Variants in CYSLTR2 observed in about 807,000 individuals in gnomAD.
CYSLTR2 encodes the protein G-protein coupled receptor GPCR21.
For missense variants in CYSLTR2, 398 were observed against 411.9 expected (o/e 0.97, Z 0.29); for synonymous variants, 179 against 160.8 (o/e 1.11, Z -0.86).
chr13:48,685,253 C>G (rs1421094829), intron 1 of CYSLTR2, among the ~76,000 whole-genome samples: 1 of 151,828 alleles, frequency 6.6e-6, no homozygotes, highest in East Asian at 1.9e-4. Flanking sequence ...GTGCTATACA[C>G]TTTTAAACAC....
chr13:48,661,006 C>A (rs1378776595), intron 1 of CYSLTR2, among the ~76,000 whole-genome samples: 1 of 152,210 alleles, frequency 6.6e-6, no homozygotes. Flanking sequence ...AGGCCCTGAC[C>A]TAAGTGCCAT....
chr13:48,698,202 T>C (rs1266389598), intron 4 of CYSLTR2, among the ~76,000 whole-genome samples: 3 of 151,880 alleles, frequency 2.0e-5, no homozygotes, highest in Non-Finnish European at 4.4e-5. Flanking sequence ...GAAGAGCAAC[T>C]CCAAGACACA....
intron 1 of CYSLTR2, among the ~76,000 whole-genome samples, chr13:48,657,088 G>A (rs1412473108): frequency 6.6e-6 from 1 of 152,180 alleles, no homozygotes; most frequent in Non-Finnish European, 1.5e-5. Flanking sequence ...GAGAATAAAG[G>A]CATTGTGTAA....
At chr13:48,656,580 C>T (rs528353939) in intron 1 of CYSLTR2, among the ~76,000 whole-genome samples, 19 of 152,310 alleles carry the variant, frequency 1.2e-4, no homozygotes, top group Admixed American at 3.3e-4. Context: ...TCCTATCCAC[C>T]TGGGATCACA....
At chr13:48,690,021 T>C (rs1237457485) in intron 1 of CYSLTR2, among the ~76,000 whole-genome samples, 2 of 152,182 alleles carry the variant, frequency 1.3e-5, no homozygotes, top group African/African-American at 4.8e-5. Context: ...GTAGCAATTG[T>C]GACTGGGAGT....
intron 1 of CYSLTR2, among the ~76,000 whole-genome samples, chr13:48,658,593 A>C (rs1252182273): frequency 1.3e-5 from 2 of 152,168 alleles, no homozygotes; most frequent in East Asian, 1.9e-4. Context: ...GCTGGATGGG[A>C]AACCCAAGGG....
intron 1 of CYSLTR2, among the ~76,000 whole-genome samples, chr13:48,672,619 T>C (rs1343739763): frequency 4.4e-5 from 3 of 68,958 alleles, no homozygotes; most frequent in Non-Finnish European, 7.0e-5. Flanking sequence ...TTCTTTTCTT[T>C]TTTTTTTTTT....
At chr13:48,674,704 CT>C (rs1216758150) in intron 1 of CYSLTR2, among the ~76,000 whole-genome samples, 1 of 152,180 alleles carries the variant, frequency 6.6e-6, no homozygotes, top group Non-Finnish European at 1.5e-5. Context: ...AAGAGTCATT[CT>C]GGTTTTTGGA....
chr13:48,654,541 TATATAAG>T (rs1262209360), intron 1 of CYSLTR2, among the ~76,000 whole-genome samples: 1 of 152,178 alleles, frequency 6.6e-6, no homozygotes, highest in Non-Finnish European at 1.5e-5. Flanking sequence ...GTCCTTCTAT[TATATAAG>T]ATATATTTTT....
rs765587354 is a variant in CYSLTR2, at chr13:48,707,329, T to C, written c.512T>C (p.Ile171Thr). The C allele has an allele frequency of 6.2e-7, 1 of 1,613,998 alleles. No homozygotes were observed. The change falls in exon 5 of 5, where the codon ATA (isoleucine) becomes ACA (threonine). Residue 171 changes from isoleucine (I) to threonine (T), a missense_variant. Physicochemically the swap from Ile to Thr is moderately conservative, Grantham distance 89. Transcript: ENST00000682523. ...IIWILIMASS[I>T]MLLDSGSEQN... ...TGGATCCTTATCATGGCTTCCTCAA[T>C]AATGCTCCTGGACAGTGGCTCTGAG...
At chr13:48,680,582 G>C (rs1953720829) in intron 1 of CYSLTR2, among the ~76,000 whole-genome samples, 1 of 152,076 alleles carries the variant, frequency 6.6e-6, no homozygotes, top group Admixed American at 6.6e-5. Flanking sequence ...TTCTGTATTT[G>C]TTCTGAATCC....
intron 3 of CYSLTR2, among the ~76,000 whole-genome samples, chr13:48,695,699 A>G (rs1310568983): frequency 3.3e-5 from 5 of 152,182 alleles, no homozygotes; most frequent in Non-Finnish European, 7.3e-5. Context: ...TTTTATTTTC[A>G]CATAGCATAG....
chr13:48,707,207 C>G lies in CYSLTR2; in HGVS notation c.390C>G (p.Thr130=). Residue 130 remains threonine, a synonymous_variant, in exon 5 of 5, where the codon ACC becomes ACG. Transcript: ENST00000682523. The part of the protein sequence containing the change: ...VNMYSSIYFL[T]VLSVVRFLAM... ...TGTACAGCAGTATTTATTTCCTGAC[C>G]GTGCTGAGTGTTGTGCGTTTCCTGG... The G allele has an allele frequency of 1.2e-6, 2 of 1,614,068 alleles. No individual in the cohort carries two copies. Among genetic ancestry groups the G allele is most frequent in the South Asian group, 1.1e-5 (1 of 91,062 alleles).
rs144665249 is a variant in CYSLTR2 at position 48,675,604 on chromosome 13, C to A, written c.-265-15608C>A. Among the ~76,000 whole-genome samples the A allele has an allele frequency of 4.5e-4, 68 of 152,176 alleles. 2 individuals carry two copies. In the East Asian group the frequency reaches 0.012, roughly 27 times the overall value. ...TTTGTGGGGGTGCATCTGCAAGTGA[C>A]CTGCAAGATCACTTGGCTCCCTGGC... On this transcript the variant is annotated intron_variant, in intron 1 of 4. Transcript: ENST00000682523.
intron 1 of CYSLTR2, among the ~76,000 whole-genome samples, chr13:48,671,387 C>T (rs1292494595): frequency 2.0e-5 from 3 of 152,140 alleles, no homozygotes; most frequent in Non-Finnish European, 2.9e-5. Context: ...AGCTTTTGCC[C>T]ATTCAGTATG....
At position 48,706,945 on chromosome 13, in the gene CYSLTR2, T is replaced by A. The variant is rs1291578872; in HGVS notation, c.128T>A (p.Ile43Asn). ...IENFKREFFP[I>N]VYLIIFFWGV... ...AACTTCAAGAGAGAATTTTTCCCAATTGTATATCTGATAATATTTTTCTGG... is the reference window on the plus strand; with the variant it reads ...AACTTCAAGAGAGAATTTTTCCCAAATGTATATCTGATAATATTTTTCTGG... Residue 43 changes from isoleucine to asparagine, a missense_variant, in exon 5 of 5, where the codon ATT (isoleucine) becomes AAT (asparagine). Transcript: ENST00000682523. 1.2e-6 allele frequency: 2 copies of A among 1,614,086 alleles called. No individual in the cohort carries two copies. Among genetic ancestry groups the A allele is most frequent in the African/African-American group, 2.7e-5 (2 of 74,932 alleles).
At chr13:48,665,146 A>T (rs1300038126) in intron 1 of CYSLTR2, among the ~76,000 whole-genome samples, 1 of 152,002 alleles carries the variant, frequency 6.6e-6, no homozygotes, top group African/African-American at 2.4e-5. Context: ...ATTGCTATCT[A>T]TTTTTGTTCC....
intron 1 of CYSLTR2, among the ~76,000 whole-genome samples, chr13:48,675,564 C>T (rs1239741407): frequency 2.7e-5 from 4 of 150,130 alleles, no homozygotes; most frequent in Non-Finnish European, 5.9e-5. Context: ...GCCAGTGGAT[C>T]TTAGCTTGCT....
At chr13:48,705,951 TC>T (rs1284557030) in intron 4 of CYSLTR2, among the ~76,000 whole-genome samples, 1 of 151,304 alleles carries the variant, frequency 6.6e-6, no homozygotes, top group Non-Finnish European at 1.5e-5. Context: ...TTAGAGAACT[TC>T]CTTTAGTCAT....
Sources: gnomAD v4.1 joint callset for allele counts (sites outside exome capture counted in the v4.1 genomes callset) on GRCh38, gnomAD v4.1.1 for gene constraint, MANE v1.5 for transcripts, NCBI Gene and HGNC (gene_info 2026-07-23, HGNC 2026-07-21) for gene names.